The following PTPRM variants were observed in gnomAD, a reference collection of about 807,000 sequenced individuals.
The protein encoded by PTPRM is protein tyrosine phosphatase receptor type M.
PTPRM carries 47 observed loss-of-function variants against 186.7 expected under a neutral mutation model. The ratio of observed to expected loss-of-function variants is 0.25; its 90% CI spans 0.20 to 0.32. PTPRM has a LOEUF of 0.32. Ranked by LOEUF, PTPRM falls within the 10% of genes least tolerant of loss-of-function variation. The probability of loss-of-function intolerance (pLI) is 1.00; values close to 1 mark genes in which losing one functional copy is unlikely to be tolerated. For missense variants in PTPRM, 1,494 were observed against 1,865.0 expected (o/e 0.80, Z 3.66); for synonymous variants, 668 against 674.9 (o/e 0.99, Z 0.16).
chr18:8,043,516 C>T (rs2086821836), intron 7 of PTPRM, among the ~76,000 whole-genome samples: 1 of 151,972 alleles, frequency 6.6e-6, no homozygotes, highest in South Asian at 2.1e-4. Context: ...AGAAATGAGA[C>T]TTGAGTGTAC....
At chr18:7,993,057 G>C (rs1182539697) in intron 7 of PTPRM, among the ~76,000 whole-genome samples, 2 of 151,616 alleles carry the variant, frequency 1.3e-5, no homozygotes. Context: ...AGGATTCCTG[G>C]CACTGAAAAA....
At chr18:7,637,457 G>A (rs2038344345) in intron 1 of PTPRM, among the ~76,000 whole-genome samples, 1 of 152,184 alleles carries the variant, frequency 6.6e-6, no homozygotes, top group Non-Finnish European at 1.5e-5. Context: ...ATTTCTTAAT[G>A]TGTACACACT....
chr18:7,784,898 G>A (rs1044756252), intron 2 of PTPRM, among the ~76,000 whole-genome samples: 2 of 152,192 alleles, frequency 1.3e-5, no homozygotes, highest in East Asian at 3.9e-4. Context: ...AGCCCAAGGA[G>A]GCTGCCACCC....
rs774656648 is a variant in PTPRM at position 8,250,877 on chromosome 18, A to G, written c.2555-1611A>G. 3.3e-5 allele frequency among the ~76,000 whole-genome samples: 5 copies of G among 152,242 alleles called. No homozygotes were observed. In the East Asian group the frequency reaches 5.8e-4, roughly 18 times the overall value. On this transcript the variant is annotated intron_variant, in intron 17 of 32. Coordinates refer to ENST00000580170, the MANE Select transcript of PTPRM (RefSeq NM_001105244.2). ...TAATGACAAGTAATATATTTTATCA[A>G]TAATAATTCTTTTTTAAGTTAGAGA... is the stretch of plus-strand genomic sequence containing the variant.
chr18:8,055,966 G>A (rs1366546592), intron 7 of PTPRM, among the ~76,000 whole-genome samples: 1 of 152,134 alleles, frequency 6.6e-6, no homozygotes, highest in Non-Finnish European at 1.5e-5. Context: ...AAGGGACATG[G>A]TGTAAGGTGT....
rs192199809 is a variant in PTPRM at position 8,307,384 on chromosome 18, C to T, written c.2843-7397C>T. ...GGACCCTTTCTTGAGACTTACCCCA[C>T]GCTCACTGCTAACACAGGTATCTCC... On this transcript the variant is annotated intron_variant, in intron 20 of 32. Coordinates refer to ENST00000580170, the MANE Select transcript of PTPRM (RefSeq NM_001105244.2). Among the ~76,000 whole-genome samples the T allele has an allele frequency of 1.1e-3, 170 of 152,342 alleles. 1 individual carries two copies. The highest frequency in any genetic ancestry group is 2.9e-3 in the Admixed American group (45 of 15,304).
chr18:8,357,477 G>T (rs139668556), intron 23 of PTPRM, among the ~76,000 whole-genome samples: 1 of 152,122 alleles, frequency 6.6e-6, no homozygotes, highest in Non-Finnish European at 1.5e-5. Flanking sequence ...GCACATTTCC[G>T]TGTCTTTACC....
intron 14 of PTPRM, among the ~76,000 whole-genome samples, chr18:8,201,384 GTTTC>G (rs1211477548): frequency 6.6e-6 from 1 of 152,148 alleles, no homozygotes; most frequent in African/African-American, 2.4e-5. Flanking sequence ...ATTAATGATT[GTTTC>G]TTTTTCAGGT....
At chr18:8,393,949 C>T (rs551187963) in intron 31 of PTPRM, among the ~76,000 whole-genome samples, 8 of 151,504 alleles carry the variant, frequency 5.3e-5, no homozygotes, top group South Asian at 2.1e-4. Context: ...CCACCACGCC[C>T]GGCTAATTTT....
At chr18:7,723,109 A>G (rs1057082310) in intron 1 of PTPRM, among the ~76,000 whole-genome samples, 2 of 152,196 alleles carry the variant, frequency 1.3e-5, no homozygotes, top group Admixed American at 1.3e-4. Flanking sequence ...GAAATAGGGG[A>G]AATGATGATC....
intron 5 of PTPRM, among the ~76,000 whole-genome samples, chr18:7,929,571 T>C (rs1245033657): frequency 6.6e-6 from 1 of 152,244 alleles, no homozygotes; most frequent in African/African-American, 2.4e-5. Flanking sequence ...AATTTTACTG[T>C]TAAATAGTTT....
At chr18:8,348,424 G>A (rs1392313301) in intron 23 of PTPRM, among the ~76,000 whole-genome samples, 2 of 152,222 alleles carry the variant, frequency 1.3e-5, no homozygotes, top group Non-Finnish European at 2.9e-5. Flanking sequence ...CATTATCTAA[G>A]ACTTCCTTGT....
intron 1 of PTPRM, among the ~76,000 whole-genome samples, chr18:7,656,982 G>A (rs1026929818): frequency 6.6e-6 from 1 of 151,964 alleles, no homozygotes; most frequent in Non-Finnish European, 1.5e-5. Context: ...GGAAGCAGAG[G>A]TATCTCCATT....
chr18:8,102,457 T>C (rs2091334582), intron 11 of PTPRM, among the ~76,000 whole-genome samples: 1 of 152,230 alleles, frequency 6.6e-6, no homozygotes. Context: ...AAATCATTTG[T>C]TGTCATTTCA....
chr18:8,282,522 T>C (rs2094914791), intron 19 of PTPRM, among the ~76,000 whole-genome samples: 1 of 151,752 alleles, frequency 6.6e-6, no homozygotes, highest in African/African-American at 2.4e-5. Flanking sequence ...ATTAGCTGGG[T>C]GTGGTGGTGG....
chr18:7,747,953 G>A (rs1362840540), intron 1 of PTPRM, among the ~76,000 whole-genome samples: 1 of 152,192 alleles, frequency 6.6e-6, no homozygotes, highest in Admixed American at 6.5e-5. Flanking sequence ...GATTATCTCT[G>A]TGGAGGTGAC....
At chr18:8,327,404 T>C (rs994375384) in intron 22 of PTPRM, among the ~76,000 whole-genome samples, 1 of 152,222 alleles carries the variant, frequency 6.6e-6, no homozygotes, top group Non-Finnish European at 1.5e-5. Context: ...GGAAGATGCC[T>C]TGGCAGAAGA....
At chr18:7,628,005 A>G (rs2038101846) in intron 1 of PTPRM, among the ~76,000 whole-genome samples, 1 of 152,194 alleles carries the variant, frequency 6.6e-6, no homozygotes, top group Non-Finnish European at 1.5e-5. Context: ...AAATAATTTG[A>G]AGAATTTTTA....
chr18:8,152,328 C>T (rs751226624), intron 14 of PTPRM, among the ~76,000 whole-genome samples: 1 of 152,142 alleles, frequency 6.6e-6, no homozygotes, highest in Non-Finnish European at 1.5e-5. Flanking sequence ...GAAGGTAAAA[C>T]CGTTGGCAAC....
Sources: gnomAD v4.1 joint callset for allele counts (sites outside exome capture counted in the v4.1 genomes callset) on GRCh38, gnomAD v4.1.1 for gene constraint, MANE v1.5 for transcripts, NCBI Gene and HGNC (gene_info 2026-07-23, HGNC 2026-07-21) for gene names.